The following ADAMTS18 variants were observed in gnomAD, a reference collection of about 807,000 sequenced individuals.
The protein encoded by ADAMTS18 is A disintegrin and metalloproteinase with thrombospondin motifs 18.
Under a neutral mutation model 165.9 loss-of-function variants are expected in ADAMTS18, and 157 were observed. The observed-to-expected ratio is 0.95, with a 90% CI of 0.83 to 1.08. ADAMTS18 has a LOEUF of 1.08. Ranked by LOEUF, ADAMTS18 falls within the 50% of genes least tolerant of loss-of-function variation. ADAMTS18 has a pLI of 0.00. For missense variants in ADAMTS18, 2,040 were observed against 1,534.0 expected (o/e 1.33, Z -5.51); for synonymous variants, 782 against 578.2 (o/e 1.35, Z -5.06).
intron 16 of ADAMTS18, 111 bp from the exon 17 acceptor site, chr16:77,300,515 T>C (rs1271615685): frequency 1.1e-5 from 13 of 1,210,878 alleles, no homozygotes; most frequent in South Asian, 5.0e-5. Context: ...GACCTTAACA[T>C]TGGTATACTT....
chr16:77,402,365 GC>G, intron 3 of ADAMTS18, among the ~76,000 whole-genome samples: 1 of 152,120 alleles, frequency 6.6e-6, no homozygotes, highest in East Asian at 1.9e-4. Flanking sequence ...CTGGAAGCAG[GC>G]CTAGGGGCCA....
At chr16:77,318,755 C>A (rs867005268) in intron 16 of ADAMTS18, among the ~76,000 whole-genome samples, 1 of 151,268 alleles carries the variant, frequency 6.6e-6, no homozygotes, top group Non-Finnish European at 1.5e-5. Flanking sequence ...GTCTTTTAAT[C>A]TTTTTTTTTC....
intron 10 of ADAMTS18, among the ~76,000 whole-genome samples, chr16:77,345,850 T>C (rs954963360): frequency 1.3e-5 from 2 of 152,172 alleles, no homozygotes; most frequent in Non-Finnish European, 2.9e-5. Context: ...CTCATGGCAC[T>C]TTTCTGCTCA....
intron 11 of ADAMTS18, among the ~76,000 whole-genome samples, chr16:77,337,574 T>G (rs2056329465): frequency 1.3e-5 from 2 of 152,228 alleles, no homozygotes; most frequent in Admixed American, 6.5e-5. Flanking sequence ...CCAGAACTCC[T>G]AAGCAGGACA....
At chr16:77,374,608 C>A (rs2056923296) in intron 3 of ADAMTS18, among the ~76,000 whole-genome samples, 1 of 152,144 alleles carries the variant, frequency 6.6e-6, no homozygotes, top group Non-Finnish European at 1.5e-5. Context: ...TACTAACTTC[C>A]TTACTTGGCT....
In ADAMTS18 at chr16:77,434,643, G is replaced by T. The variant is rs1383604063; in HGVS notation, c.53C>A (p.Pro18Gln). 1.3e-6 allele frequency: 2 copies of T among 1,483,502 alleles called. No individual in the cohort carries two copies. Among genetic ancestry groups the T allele is most frequent in the Admixed American group, 2.3e-5 (1 of 43,778 alleles). The allele number at this position is 1,483,502 out of a possible 1,614,324, so 91.9% of individuals were successfully genotyped here. Residue 18 changes from proline (P) to glutamine (Q), a missense_variant, in exon 1 of 23, where the codon CCG becomes CAG. Physicochemically the swap from Pro to Gln is moderately conservative, Grantham distance 76 (BLOSUM62 -1). Coordinates refer to ENST00000282849, the MANE Select transcript of ADAMTS18 (RefSeq NM_199355.4). ...CCCCAGTCCCGCCAGGCCCCTCGGCGGGCCCGAACCCGCAGCCGGGAAGGC... is the reference window on the plus strand; with the variant it reads ...CCCCAGTCCCGCCAGGCCCCTCGGCTGGCCCGAACCCGCAGCCGGGAAGGC... ...ACAFPAAGSG[P>Q]PRGLAGLGRV...
intron 2 of ADAMTS18, among the ~76,000 whole-genome samples, chr16:77,432,789 G>C (rs1483260949): frequency 6.7e-6 from 1 of 149,752 alleles, no homozygotes; most frequent in African/African-American, 2.4e-5. Flanking sequence ...AAAAACTAAG[G>C]AATAGTGGAG....
chr16:77,422,462 T>G lies in ADAMTS18; in HGVS notation c.495+8833A>C, dbSNP rs34092935. Among the ~76,000 whole-genome samples, 3 of 149,714 alleles carry G rather than the reference T, an allele frequency of 2.0e-5. No individual in the cohort carries two copies. The South Asian group carries it at 6.4e-4, about 32-fold the overall frequency. On this transcript the variant is annotated intron_variant, in intron 3 of 22. Transcript: ENST00000282849. ...ATTGGATAGCTTGGATCTAGCCTTG[T>G]TGAAAGCTAGCCAATCCTAGTACAA...
At chr16:77,290,627 A>G (rs2055344015) in intron 21 of ADAMTS18, 1 of 158,086 alleles carries the variant, frequency 6.3e-6, no homozygotes, top group South Asian at 1.9e-4. Context: ...AGTCCTCTGA[A>G]CTGAACAGCT....
chr16:77,326,146 T>A, intron 12 of ADAMTS18, 108 bp from the exon 13 acceptor site: 1 of 1,054,554 alleles, frequency 9.5e-7, no homozygotes. Flanking sequence ...CCACAGTGTA[T>A]GCAAAGGCAT....
At chr16:77,315,420 C>T (rs575321625) in intron 16 of ADAMTS18, among the ~76,000 whole-genome samples, 5 of 152,238 alleles carry the variant, frequency 3.3e-5, no homozygotes, top group South Asian at 2.1e-4. Context: ...GAAACATATA[C>T]GATTGGAGCA....
At chr16:77,319,081 C>G (rs754116413) in intron 16 of ADAMTS18, among the ~76,000 whole-genome samples, 2 of 151,874 alleles carry the variant, frequency 1.3e-5, no homozygotes, top group Non-Finnish European at 2.9e-5. Flanking sequence ...CCTTTTCTTA[C>G]CTGTGGGGAA....
intron 3 of ADAMTS18, among the ~76,000 whole-genome samples, chr16:77,376,729 T>C (rs1319520822): frequency 6.6e-6 from 1 of 152,224 alleles, no homozygotes; most frequent in Non-Finnish European, 1.5e-5. Flanking sequence ...TAATGTTTTA[T>C]TCTTTAAAAT....
Position 77,359,429 on chromosome 16 carries a change from G to C in ADAMTS18, c.1217-6C>G, listed in dbSNP as rs2056678948. ...TCCACTGATGGGGGCAAACCCTATT[G>C]AAAGAGCAGTTTCAAATGTGAATCC... On this transcript the variant is annotated splice_polypyrimidine_tract_variant and splice_region_variant and intron_variant, in intron 7 of 22. Transcript: ENST00000282849. 1.9e-6 allele frequency: 3 copies of C among 1,611,244 alleles called. No individual in the cohort carries two copies. The highest frequency in any genetic ancestry group is 8.5e-7 in the Non-Finnish European group (1 of 1,178,642).
At position 77,416,327 on chromosome 16, in the gene ADAMTS18, G is replaced by A. The variant is rs192378885; in HGVS notation, c.495+14968C>T. Among the ~76,000 whole-genome samples, 5 of 152,246 alleles carry A rather than the reference G, an allele frequency of 3.3e-5. No homozygotes were observed. In the East Asian group the frequency reaches 7.7e-4, roughly 24 times the overall value. ...TAGGAAGTTAGATCCAAGGGACTTTGTAGGCCATGGTAAGAAATCTGGATT... is the reference window on the plus strand; with the variant it reads ...TAGGAAGTTAGATCCAAGGGACTTTATAGGCCATGGTAAGAAATCTGGATT... On this transcript the variant is annotated intron_variant, in intron 3 of 22. Coordinates refer to ENST00000282849, the MANE Select transcript of ADAMTS18 (RefSeq NM_199355.4).
chr16:77,300,225 G>C, intron 17 of ADAMTS18, 38 bp downstream of exon 17: 1 of 1,613,170 alleles, frequency 6.2e-7, no homozygotes, highest in Non-Finnish European at 8.5e-7. Context: ...TGTTTTAAGA[G>C]AGACAGACTT....
Position 77,367,453 on chromosome 16 carries a change from G to C in ADAMTS18, c.766C>G (p.Arg256Gly). 1 of 1,614,134 alleles carries C rather than the reference G, an allele frequency of 6.2e-7. No individual in the cohort carries two copies. The highest frequency in any genetic ancestry group is 1.1e-5 in the South Asian group (1 of 91,078). The stretch of plus-strand genomic sequence containing the variant: ...TTTCCTTACATACATTTCTTGCGTC[G>C]TCCACAAAAATGCTGCTTTTGCAAC... ...RRLQKQHFCGRRKKYAPKPPT... is the reference protein window; with the variant it reads ...RRLQKQHFCGGRKKYAPKPPT... The change falls in exon 4 of 23, where the codon CGA (arginine) becomes GGA (glycine). Residue 256 changes from arginine (R) to glycine (G), a missense_variant. Physicochemically the swap from Arg to Gly is moderately radical, Grantham distance 125. Coordinates refer to ENST00000282849, the MANE Select transcript of ADAMTS18 (RefSeq NM_199355.4).
intron 3 of ADAMTS18, among the ~76,000 whole-genome samples, chr16:77,387,133 G>T (rs1255116882): frequency 1.3e-5 from 2 of 152,198 alleles, no homozygotes; most frequent in Non-Finnish European, 2.9e-5. Context: ...CTCGCTACAT[G>T]TAACTGAGAG....
chr16:77,397,745 A>G (rs1387721999), intron 3 of ADAMTS18, among the ~76,000 whole-genome samples: 2 of 152,248 alleles, frequency 1.3e-5, no homozygotes. Context: ...GCCCACATTA[A>G]ACATTGGAAG....
Sources: gnomAD v4.1 joint callset for allele counts (sites outside exome capture counted in the v4.1 genomes callset) on GRCh38, gnomAD v4.1.1 for gene constraint, MANE v1.5 for transcripts, NCBI Gene and HGNC (gene_info 2026-07-23, HGNC 2026-07-21) for gene names.